Variants in FHDC1 observed in about 807,000 individuals in gnomAD.
FHDC1 encodes FH2 domain-containing protein 1.
Under a neutral mutation model 52.6 loss-of-function variants are expected in FHDC1, and 25 were observed. That is an observed-to-expected ratio of 0.48 (90% CI 0.35 to 0.66). The LOEUF (loss-of-function observed/expected upper bound fraction) is 0.66. FHDC1 is among the 30% of genes least tolerant of loss of function. The pLI is 0.01. For missense variants in FHDC1, 1,459 were observed against 1,452.8 expected, an observed-to-expected ratio of 1.00 and a Z score of -0.07; for synonymous variants, 616 against 581.5, an observed-to-expected ratio of 1.06 and a Z score of -0.85.
In FHDC1 at chr4:152,967,912, A is replaced by G. The variant is rs114898335; in HGVS notation, c.1101-68A>G. ...CCAAGGTTGAACAACAGTTAGTCTT[A>G]TTTAATATACCTACATGACACATGG... is the stretch of plus-strand genomic sequence containing the variant. On this transcript the variant is annotated intron_variant, in intron 9 of 11. Coordinates refer to ENST00000511601, the MANE Select transcript of FHDC1 (RefSeq NM_001371116.1). 5.3e-4 allele frequency: 620 copies of G among 1,171,592 alleles called. 2 individuals carry two copies. In the African/African-American group the frequency reaches 8.7e-3, roughly 16 times the overall value. The allele number at this position is 1,171,592 out of a possible 1,614,324, so 72.6% of individuals were successfully genotyped here.
At chr4:152,971,801 G>C (rs1428169544) in intron 10 of FHDC1, among the ~76,000 whole-genome samples, 1 of 152,210 alleles carries the variant, frequency 6.6e-6, no homozygotes, top group Non-Finnish European at 1.5e-5. Context: ...ATGGCCTGTT[G>C]CCAAGCTTCC....
At chr4:152,957,920 A>T (rs925833) in intron 4 of FHDC1, among the ~76,000 whole-genome samples, 1 of 151,702 alleles carries the variant, frequency 6.6e-6, no homozygotes, top group African/African-American at 2.4e-5. Flanking sequence ...GCCAGGGAAC[A>T]CCCCCACCAC....
At chr4:152,958,978 T>A (rs1379307584) in intron 4 of FHDC1, among the ~76,000 whole-genome samples, 1 of 152,256 alleles carries the variant, frequency 6.6e-6, no homozygotes, top group Non-Finnish European at 1.5e-5. Context: ...CATTTTATAT[T>A]TTCAAATAAT....
At chr4:152,915,473 A>G in the FHDC1 span, among the ~76,000 whole-genome samples, 1 of 152,238 alleles carries the variant, frequency 6.6e-6, no homozygotes, top group African/African-American at 2.4e-5. Flanking sequence ...TTTTGATCCA[A>G]AATTCAAATG....
At chr4:152,963,292 T>G (rs1740341086) in intron 8 of FHDC1, among the ~76,000 whole-genome samples, 162 bp downstream of exon 8, 1 of 152,146 alleles carries the variant, frequency 6.6e-6, no homozygotes, top group East Asian at 1.9e-4. Flanking sequence ...ATTCCTGAGT[T>G]GTACTGCACC....
Position 152,943,216 on chromosome 4 carries a change from G to T in FHDC1, c.159G>T (p.Glu53Asp). 1 of 1,610,572 alleles carries T rather than the reference G, an allele frequency of 6.2e-7. No individual in the cohort carries two copies. Among genetic ancestry groups the T allele is most frequent in the Non-Finnish European group, 8.5e-7 (1 of 1,178,574 alleles). ...PSPPCSCSREECPSSPPPPPP... is the reference protein window; with the variant it reads ...PSPPCSCSREDCPSSPPPPPP... ...CACCATGTTCATGTTCAAGGGAAGA[G>T]TGTCCTTCCTCCCCTCCTCCACCCC... Residue 53 changes from glutamate to aspartate, a missense_variant, in exon 2 of 12, where the codon GAG becomes GAT. Transcript: ENST00000511601.
intron 1 of FHDC1, among the ~76,000 whole-genome samples, chr4:152,938,257 C>G (rs192769465): frequency 6.7e-6 from 1 of 148,662 alleles, no homozygotes; most frequent in East Asian, 2.0e-4. Flanking sequence ...CAAATACAGG[C>G]GTTTTTCCTC....
chr4:152,930,933 G>T, the FHDC1 span, among the ~76,000 whole-genome samples: 2 of 148,048 alleles, frequency 1.4e-5, no homozygotes, highest in African/African-American at 5.0e-5. Flanking sequence ...AGACTTATGT[G>T]GGGTGTGCAC....
the FHDC1 span, among the ~76,000 whole-genome samples, chr4:152,913,689 AT>A: frequency 6.6e-6 from 1 of 151,584 alleles, no homozygotes; most frequent in African/African-American, 2.4e-5. Context: ...TTATTTATTT[AT>A]TTTTTTTGAG....
At chr4:152,963,775 T>TG (rs1740363805) in intron 8 of FHDC1, among the ~76,000 whole-genome samples, 1 of 51,582 alleles carries the variant, frequency 1.9e-5, no homozygotes, top group East Asian at 8.2e-4. Flanking sequence ...CTTTGTTTTT[T>TG]TTTTTTTTTT....
At chr4:152,967,136 T>A (rs768762252) in intron 9 of FHDC1, among the ~76,000 whole-genome samples, 2 of 151,264 alleles carry the variant, frequency 1.3e-5, no homozygotes, top group Non-Finnish European at 2.9e-5. Context: ...ATAATAATAA[T>A]AAAAATCAGC....
intron 2 of FHDC1, among the ~76,000 whole-genome samples, chr4:152,948,209 G>A (rs975903161): frequency 6.6e-6 from 1 of 152,222 alleles, no homozygotes; most frequent in African/African-American, 2.4e-5. Flanking sequence ...CTTGAAGTGG[G>A]ATGGAAATAG....
At chr4:152,966,356 T>C (rs1170023417) in intron 9 of FHDC1, among the ~76,000 whole-genome samples, 1 of 152,206 alleles carries the variant, frequency 6.6e-6, no homozygotes, top group East Asian at 1.9e-4. Flanking sequence ...AACATTTGAA[T>C]TGACAATGGA....
intron 6 of FHDC1, 71 bp from the exon 7 acceptor site, chr4:152,962,743 G>A: frequency 7.9e-7 from 1 of 1,259,674 alleles, no homozygotes; most frequent in Admixed American, 1.7e-5. Context: ...GAACTTGGAT[G>A]TGGTAGCTGT....
intron 2 of FHDC1, among the ~76,000 whole-genome samples, chr4:152,944,472 G>A (rs1739668924): frequency 6.6e-6 from 1 of 152,220 alleles, no homozygotes; most frequent in South Asian, 2.1e-4. Flanking sequence ...TAAAGGAGCA[G>A]AGAAAACAGG....
At chr4:152,959,573 TG>T (rs1305354663) in intron 4 of FHDC1, among the ~76,000 whole-genome samples, 1 of 152,138 alleles carries the variant, frequency 6.6e-6, no homozygotes, top group Admixed American at 6.5e-5. Flanking sequence ...CTAGTGTATG[TG>T]GGGCTTTTTG....
chr4:152,950,423 C>T (rs1376508759), intron 2 of FHDC1, among the ~76,000 whole-genome samples: 1 of 152,188 alleles, frequency 6.6e-6, no homozygotes, highest in East Asian at 1.9e-4. Flanking sequence ...TATCAGTTGT[C>T]TCATTTTAAT....
intron 1 of FHDC1, 57 bp from the exon 2 acceptor site, chr4:152,942,871 A>G (rs1393173668): frequency 1.6e-6 from 1 of 620,344 alleles, no homozygotes; most frequent in Non-Finnish European, 2.7e-6. Flanking sequence ...CTGAAGGGAA[A>G]TGCTGATGCG....
the FHDC1 span, among the ~76,000 whole-genome samples, chr4:152,916,114 G>C: frequency 6.8e-6 from 1 of 146,028 alleles, no homozygotes; most frequent in Non-Finnish European, 1.5e-5. Context: ...TAATTGGCTT[G>C]GTTTCTTCAA....
Sources: allele counts gnomAD v4.1 joint callset (sites outside exome capture counted in the v4.1 genomes callset), GRCh38; gene constraint gnomAD v4.1.1; transcripts MANE v1.5; gene names NCBI Gene and HGNC (gene_info 2026-07-23, HGNC 2026-07-21).